The following TANC2 variants were observed in gnomAD, a reference collection of about 807,000 sequenced individuals.
TANC2 encodes protein TANC2.
TANC2 carries 26 observed loss-of-function variants against 210.5 expected under a neutral mutation model. The observed-to-expected ratio is 0.12, with a 90% CI of 0.09 to 0.17. The LOEUF (loss-of-function observed/expected upper bound fraction) is 0.17, where lower values mean the gene tolerates loss of function less well. Among genes scored for constraint, TANC2 ranks in the 10% least tolerant of loss-of-function variants. The pLI, the probability that TANC2 is intolerant of heterozygous loss-of-function variation, is 1.00. For synonymous variants in TANC2, 931 were observed against 967.1 expected, an observed-to-expected ratio of 0.96 and a Z score of 0.69; for missense variants, 2,129 against 2,608.9, an observed-to-expected ratio of 0.82 and a Z score of 4.01.
At chr17:63,156,684 C>T (rs913464930) in intron 5 of TANC2, among the ~76,000 whole-genome samples, 4 of 151,986 alleles carry the variant, frequency 2.6e-5, no homozygotes, top group African/African-American at 9.7e-5. Flanking sequence ...TTTTCTTCCC[C>T]AAACTTTCCT....
chr17:63,367,300 C>G (rs1329437730), intron 14 of TANC2, among the ~76,000 whole-genome samples: 1 of 152,216 alleles, frequency 6.6e-6, no homozygotes, highest in Non-Finnish European at 1.5e-5. Context: ...CTAAAGCAAG[C>G]TTGTCCAACC....
At position 63,340,387 on chromosome 17, in the gene TANC2, C is replaced by G. The variant is rs1333623020; in HGVS notation, c.1807+55C>G. On this transcript the variant is annotated intron_variant, in intron 12 of 27. Transcript: ENST00000689528. ...ATGGAGGTTTAGAGCCCAAGTTCAC[C>G]CGGGTCATACTATAAAAATGATTGA... is the stretch of plus-strand genomic sequence containing the variant. The G allele has an allele frequency of 3.5e-6, 5 of 1,408,926 alleles. No homozygotes were observed. The African/African-American group carries it at 5.7e-5, about 16-fold the overall frequency. The allele number at this position is 1,408,926 out of a possible 1,614,324, so 87.3% of individuals were successfully genotyped here. A position where few individuals can be genotyped will look rare whatever the true frequency, so the allele number is the denominator to read the frequency against.
At chr17:63,299,690 T>C (rs1380335597) in intron 9 of TANC2, among the ~76,000 whole-genome samples, 6 of 152,196 alleles carry the variant, frequency 3.9e-5, no homozygotes, top group Non-Finnish European at 5.9e-5. Flanking sequence ...TAGACTTTTG[T>C]CAGATGGATC....
At chr17:63,051,506 G>A (rs145290917) in intron 2 of TANC2, among the ~76,000 whole-genome samples, 1 of 152,162 alleles carries the variant, frequency 6.6e-6, no homozygotes, top group African/African-American at 2.4e-5. Context: ...ATGTTGAGGG[G>A]GATACATGTG....
Position 63,013,762 on chromosome 17 carries a change from TAAAAA to T in TANC2, c.67+4157_67+4161del, listed in dbSNP as rs34126221. ...GGGCGACAGAGTGAGACCCTGTCTT[TAAAAA>T]AAAAAAAAAAAAAAAAAAAATCTTT... On this transcript the variant is annotated intron_variant, in intron 2 of 27. Coordinates refer to ENST00000689528, the Ensembl canonical transcript of TANC2. Among the ~76,000 whole-genome samples, 5 of 101,764 alleles carry T rather than the reference TAAAAA, an allele frequency of 4.9e-5. No individual in the cohort carries two copies. The South Asian group carries it at 1.2e-3, about 24-fold the overall frequency. 66.8% of individuals were successfully genotyped at this position (101,764 alleles called of 152,430 possible).
exon 28 of TANC2, chr17:63,426,491 G>A (rs2049147111): frequency 6.6e-6 from 1 of 152,212 alleles, no homozygotes; most frequent in East Asian, 1.9e-4. Flanking sequence ...GACCACTCAA[G>A]GGCTGAAGTG....
intron 3 of TANC2, among the ~76,000 whole-genome samples, chr17:63,086,067 T>G (rs1489394412): frequency 6.6e-6 from 1 of 152,034 alleles, no homozygotes; most frequent in African/African-American, 2.4e-5. Context: ...CTATCTTTTC[T>G]TGTATTGTTT....
chr17:63,379,276 C>G (rs2047526206), intron 14 of TANC2, among the ~76,000 whole-genome samples: 1 of 152,160 alleles, frequency 6.6e-6, no homozygotes, highest in South Asian at 2.1e-4. Context: ...ATTCTTTGCC[C>G]AGGAGCAGGT....
At chr17:63,053,437 C>T (rs1284892479) in intron 2 of TANC2, among the ~76,000 whole-genome samples, 1 of 152,228 alleles carries the variant, frequency 6.6e-6, no homozygotes, top group Non-Finnish European at 1.5e-5. Context: ...AAAACCCCTT[C>T]TTTGTTTCTA....
chr17:63,300,781 C>A (rs1186571279), intron 9 of TANC2, among the ~76,000 whole-genome samples: 1 of 152,158 alleles, frequency 6.6e-6, no homozygotes. Context: ...CTTTCTCTTG[C>A]CTGATTGCCC....
At chr17:63,075,643 C>T (rs1444296250) in intron 3 of TANC2, among the ~76,000 whole-genome samples, 3 of 152,054 alleles carry the variant, frequency 2.0e-5, no homozygotes, top group Admixed American at 1.3e-4. Flanking sequence ...AGCGATTCTC[C>T]TGCCTCAGCC....
chr17:63,089,812 G>A (rs1482712739), intron 3 of TANC2, among the ~76,000 whole-genome samples: 1 of 152,058 alleles, frequency 6.6e-6, no homozygotes, highest in Non-Finnish European at 1.5e-5. Context: ...TCGTTTTAGG[G>A]ACCAGACTAC....
intron 1 of TANC2, among the ~76,000 whole-genome samples, chr17:62,976,454 G>GT (rs1442567523): frequency 2.0e-5 from 3 of 147,460 alleles, no homozygotes; most frequent in Admixed American, 6.7e-5. Context: ...GGGTTTGTCT[G>GT]GTTTTTTTTT....
At chr17:63,181,362 T>C in intron 5 of TANC2, among the ~76,000 whole-genome samples, 1 of 152,224 alleles carries the variant, frequency 6.6e-6, no homozygotes, top group East Asian at 1.9e-4. Flanking sequence ...TAGATGAACC[T>C]GAGTGGTATA....
At chr17:63,351,193 T>G in intron 12 of TANC2, 57 bp from the exon 13 acceptor site, 2 of 1,440,472 alleles carry the variant, frequency 1.4e-6, no homozygotes, top group Non-Finnish European at 1.9e-6. Flanking sequence ...AAAGATCCAG[T>G]AAGAACTCAT....
chr17:63,098,470 ACACACACACATACACTCT>A (rs1405880085), intron 3 of TANC2, among the ~76,000 whole-genome samples: 479 of 38,592 alleles, frequency 0.012, 15 homozygotes, highest in African/African-American at 0.074. Context: ...ACACACACAC[ACACACACACATACACTCT>A]CTCTCTCTCT....
chr17:63,114,823 C>A (rs1382642372), intron 4 of TANC2, among the ~76,000 whole-genome samples: 1 of 152,120 alleles, frequency 6.6e-6, no homozygotes, highest in Non-Finnish European at 1.5e-5. Context: ...AAATTAGTAA[C>A]CAAGGGGAAG....
intron 2 of TANC2, among the ~76,000 whole-genome samples, chr17:63,055,871 G>A (rs1175027494): frequency 6.8e-6 from 1 of 146,782 alleles, no homozygotes; most frequent in Non-Finnish European, 1.5e-5. Context: ...AAGGCCAGGT[G>A]CAGTGCTTAC....
At chr17:63,307,772 T>TGTTGTTGTTGTTGTTGTTGTTG (rs5821385) in intron 9 of TANC2, among the ~76,000 whole-genome samples, 71 of 151,144 alleles carry the variant, frequency 4.7e-4, no homozygotes, top group African/African-American at 1.6e-3. Flanking sequence ...TTGTTGTTGT[T>TGTTGTTGTTGTTGTTGTTGTTG]TTGTTGTTTT....
Sources: allele counts gnomAD v4.1 joint callset (sites outside exome capture counted in the v4.1 genomes callset), GRCh38; gene constraint gnomAD v4.1.1; transcripts MANE v1.5; gene names NCBI Gene and HGNC (gene_info 2026-07-23, HGNC 2026-07-21).